ZNF862: variants seen among roughly 807,000 people sequenced by gnomAD.
ZNF862 encodes the protein zinc finger protein 862.
ZNF862 carries 64 observed loss-of-function variants against 91.1 expected under a neutral mutation model. The ratio of observed to expected loss-of-function variants is 0.70; its 90% CI spans 0.57 to 0.87. ZNF862 has a LOEUF of 0.87. Ranked by LOEUF, ZNF862 falls within the 40% of genes least tolerant of loss-of-function variation. The probability of loss-of-function intolerance (pLI) is 0.00; values close to 1 mark genes in which losing one functional copy is unlikely to be tolerated. For missense variants in ZNF862, 1,459 were observed against 1,528.0 expected, an observed-to-expected ratio of 0.95 and a Z score of 0.75; for synonymous variants, 631 against 618.1, an observed-to-expected ratio of 1.02 and a Z score of -0.31.
rs1231147227 is a variant in ZNF862, at chr7:149,847,817, G to A, written c.324G>A (p.Lys108=). 1.2e-6 allele frequency: 2 copies of A among 1,613,874 alleles called. No homozygotes were observed. The highest frequency in any genetic ancestry group is 1.7e-6 in the Non-Finnish European group (2 of 1,179,842). Residue 108 remains lysine (K), a synonymous_variant, in exon 4 of 8, where the codon AAG becomes AAA. Transcript: ENST00000223210. ...GTGGACAGTCCCTCCCGCCTCAGAA[G>A]AAAGCCTACCTTTCCCACCTCAGTA... ...RESGQSLPPQ[K]KAYLSHLSTG...
intron 1 of ZNF862, among the ~76,000 whole-genome samples, chr7:149,843,665 C>T (rs1039326202): frequency 1.6e-4 from 25 of 152,202 alleles, no homozygotes; most frequent in African/African-American, 5.8e-4. Flanking sequence ...GGTGGAAGAC[C>T]GAAAATGTAA....
Position 149,862,167 on chromosome 7 carries a change from C to G in ZNF862, c.3007C>G (p.Leu1003Val). 1 of 1,613,470 alleles carries G rather than the reference C, an allele frequency of 6.2e-7. No homozygotes were observed. Among genetic ancestry groups the G allele is most frequent in the Non-Finnish European group, 8.5e-7 (1 of 1,179,890 alleles). ...WLGLKTIAQH[L>V]PFSMLCKNAL... ...GGGCCTGAAAACCATTGCCCAGCAC[C>G]TCCCGTTCTCCATGCTCTGCAAAAA... is the stretch of plus-strand genomic sequence containing the variant. Residue 1003 changes from leucine (L) to valine (V), a missense_variant, in exon 7 of 8, where the codon CTC becomes GTC. Coordinates refer to ENST00000223210, the MANE Select transcript of ZNF862 (RefSeq NM_001099220.3).
rs1372655163 is a variant in ZNF862, at chr7:149,848,932, C to T, written c.939+500C>T. Among the ~76,000 whole-genome samples the T allele has an allele frequency of 2.6e-5, 4 of 152,272 alleles. No individual in the cohort carries two copies. In the East Asian group the frequency reaches 7.7e-4, roughly 29 times the overall value. On this transcript the variant is annotated intron_variant, in intron 4 of 7. Transcript: ENST00000223210. Reference sequence around the variant, plus strand: ...CCTTCCCACTCAGCCTCCCAAGTAGCTGGGACCACAGGTGTGTGCCCCCAC... The same window carrying T: ...CCTTCCCACTCAGCCTCCCAAGTAGTTGGGACCACAGGTGTGTGCCCCCAC...
At position 149,848,058 on chromosome 7, in the gene ZNF862, A is replaced by T. The variant is rs777610248; in HGVS notation, c.565A>T (p.Thr189Ser). Residue 189 changes from threonine to serine, a missense_variant, in exon 4 of 8, where the codon ACT becomes TCT. Physicochemically the swap from Thr to Ser is moderately conservative, Grantham distance 58 (BLOSUM62 1). Transcript: ENST00000223210. ...EGYTGPFKVE[T>S]LKYHAKSKAH... Reference sequence around the variant, plus strand: ...TTATACAGGACCATTCAAGGTGGAGACTCTCAAATACCACGCGAAGAGCAA... The same window carrying T: ...TTATACAGGACCATTCAAGGTGGAGTCTCTCAAATACCACGCGAAGAGCAA... 5.0e-6 allele frequency: 8 copies of T among 1,613,902 alleles called. No individual in the cohort carries two copies. The highest frequency in any genetic ancestry group is 1.6e-4 in the Middle Eastern group (1 of 6,062).
rs1802558338 is a variant in ZNF862, at chr7:149,862,579, C to T, written c.3334+85C>T. 12 of 1,406,342 alleles carry T rather than the reference C, an allele frequency of 8.5e-6. No individual in the cohort carries two copies. The South Asian group carries it at 1.7e-4, about 20-fold the overall frequency. The allele number at this position is 1,406,342 out of a possible 1,614,324, so 87.1% of individuals were successfully genotyped here. ...GACAGGACTGCAGGTGCCTGTGGAGCTTCTGTCATGCACCCACCCATTTGC... is the reference window on the plus strand; with the variant it reads ...GACAGGACTGCAGGTGCCTGTGGAGTTTCTGTCATGCACCCACCCATTTGC... On this transcript the variant is annotated intron_variant, in intron 7 of 7. Transcript: ENST00000223210.
rs1483386877 is a variant in ZNF862, at chr7:149,855,617, A to G, written c.1118-3805A>G. 2.0e-5 allele frequency among the ~76,000 whole-genome samples: 3 copies of G among 152,226 alleles called. No individual in the cohort carries two copies. The highest frequency in any genetic ancestry group is 6.5e-5 in the Admixed American group (1 of 15,282). On this transcript the variant is annotated intron_variant, in intron 5 of 7. Coordinates refer to ENST00000223210, the MANE Select transcript of ZNF862 (RefSeq NM_001099220.3). The surrounding 1 kb of genome is among the most constrained non-coding windows in gnomAD (Gnocchi z 4.1). The stretch of plus-strand genomic sequence containing the variant: ...GTTTGTGGGTTCTGCAGTACCCCCA[A>G]CAGGCACTGAGACCCTCTCGCTTGC...
At chr7:149,841,002 C>T (rs542789249) in intron 1 of ZNF862, 2 of 985,416 alleles carry the variant, frequency 2.0e-6, no homozygotes, top group African/African-American at 3.5e-5. Context: ...CTGGAAATTT[C>T]ACCCTTGATT....
chr7:149,838,660 G>A, intron 1 of ZNF862, 25 bp downstream of exon 1: 1 of 1,216,368 alleles, frequency 8.2e-7, no homozygotes. Flanking sequence ...CCCGGGGGCC[G>A]CCCGCTCCCT....
rs1802776861 is a variant in ZNF862, at chr7:149,867,456, T to A, written c.*3172T>A. On this transcript the variant is annotated 3_prime_UTR_variant, in exon 8 of 8. Coordinates refer to ENST00000223210, the MANE Select transcript of ZNF862 (RefSeq NM_001099220.3). Reference sequence around the variant, plus strand: ...GATTCCTAACCTTTTGCTACCTGAATAAAGCAGAGTCTATTTCAACACATC... The same window carrying A: ...GATTCCTAACCTTTTGCTACCTGAAAAAAGCAGAGTCTATTTCAACACATC... The A allele has an allele frequency of 6.6e-6, 1 of 152,212 alleles. No individual in the cohort carries two copies. The highest frequency in any genetic ancestry group is 2.4e-5 in the African/African-American group (1 of 41,444). 9.4% of individuals were successfully genotyped at this position (152,212 alleles called of 1,614,324 possible).
Position 149,850,092 on chromosome 7 carries a change from G to T in ZNF862, c.940-69G>T. On this transcript the variant is annotated intron_variant, in intron 4 of 7. Coordinates refer to ENST00000223210, the MANE Select transcript of ZNF862 (RefSeq NM_001099220.3). The surrounding 1 kb of genome is among the most constrained non-coding windows in gnomAD (Gnocchi z 4.2). ...CCCAGGAGAAATAGGGCTTCCAAAG[G>T]CCCCAGAAGTGTCACGTGGGAGTCT... 1 of 1,516,574 alleles carries T rather than the reference G, an allele frequency of 6.6e-7. No individual in the cohort carries two copies. The highest frequency in any genetic ancestry group is 8.9e-7 in the Non-Finnish European group (1 of 1,117,710). 93.9% of individuals were successfully genotyped at this position (1,516,574 alleles called of 1,614,324 possible).
chr7:149,843,495 TTGA>T (rs1393712553), intron 1 of ZNF862, among the ~76,000 whole-genome samples: 7 of 152,204 alleles, frequency 4.6e-5, no homozygotes, highest in Non-Finnish European at 7.3e-5. Flanking sequence ...ATGGTGTAGC[TTGA>T]TGATAGTTTT....
chr7:149,854,189 A>G (rs2128939150), intron 5 of ZNF862, among the ~76,000 whole-genome samples: 1 of 152,302 alleles, frequency 6.6e-6, no homozygotes, highest in African/African-American at 2.4e-5. Flanking sequence ...GGTTAAATCT[A>G]GGCAGGGCCT....
chr7:149,853,395 T>C (rs995678684), intron 5 of ZNF862, among the ~76,000 whole-genome samples: 5 of 152,212 alleles, frequency 3.3e-5, no homozygotes, highest in African/African-American at 1.2e-4. Flanking sequence ...CCTCCTTCTT[T>C]TTCCATTACT....
At position 149,860,990 on chromosome 7, in the gene ZNF862, G is replaced by A; in HGVS notation, c.1830G>A (p.Leu610=). 1.2e-6 allele frequency: 2 copies of A among 1,613,434 alleles called. No homozygotes were observed. The highest frequency in any genetic ancestry group is 1.7e-6 in the Non-Finnish European group (2 of 1,179,780). The change falls in exon 7 of 8, where the codon CTG becomes CTA. Residue 610 remains leucine, a synonymous_variant. Transcript: ENST00000223210. ...TQFIKYISET[L]KREILEDVRN... ...TCATCAAGTACATCTCAGAGACCCT[G>A]AAGAGGGAGATCCTGGAGGACGTGC...
At chr7:149,849,504 A>G (rs1429686178) in intron 4 of ZNF862, among the ~76,000 whole-genome samples, 1 of 152,246 alleles carries the variant, frequency 6.6e-6, no homozygotes, top group Non-Finnish European at 1.5e-5. Context: ...ATTTTACAAC[A>G]AATCATTTTT....
rs769076442 is a variant in ZNF862, at chr7:149,850,155, T to G, written c.940-6T>G. 6.4e-7 allele frequency: 1 copy of G among 1,558,310 alleles called. No homozygotes were observed. The highest frequency in any genetic ancestry group is 8.7e-7 in the Non-Finnish European group (1 of 1,151,712). ...GGTGCTGAGTGGCCGCTGCTCTTTGTTCCAGGACCCTTCTGCAGAGGGGCT... is the reference window on the plus strand; with the variant it reads ...GGTGCTGAGTGGCCGCTGCTCTTTGGTCCAGGACCCTTCTGCAGAGGGGCT... On this transcript the variant is annotated splice_region_variant and splice_polypyrimidine_tract_variant and intron_variant, in intron 4 of 7. Transcript: ENST00000223210. This position sits in a 1 kb window ranked among gnomAD's most constrained non-coding sequence, Gnocchi z 4.2.
chr7:149,848,470 A>G, intron 4 of ZNF862, 38 bp downstream of exon 4: 1 of 1,426,200 alleles, frequency 7.0e-7, no homozygotes, highest in Non-Finnish European at 9.3e-7. Context: ...CTTACAGAGA[A>G]GGATTCTATA....
In ZNF862 at chr7:149,865,187, G is replaced by T. The variant is rs1032210114; in HGVS notation, c.*903G>T. 4 of 152,180 alleles carry T rather than the reference G, an allele frequency of 2.6e-5. No individual in the cohort carries two copies. The East Asian group carries it at 5.8e-4, about 22-fold the overall frequency. 9.4% of individuals were successfully genotyped at this position (152,180 alleles called of 1,614,324 possible). On this transcript the variant is annotated 3_prime_UTR_variant, in exon 8 of 8. Transcript: ENST00000223210. ...CCTAGGATTAGTGAATGAGAGCCTC[G>T]AGCTCCCTCAAAGACCTCTGGCTGC...
intron 2 of ZNF862, among the ~76,000 whole-genome samples, chr7:149,845,897 T>C (rs371604432): frequency 4.6e-5 from 7 of 152,284 alleles, no homozygotes; most frequent in African/African-American, 1.7e-4. Flanking sequence ...ATAGTTTGTA[T>C]ACCTGTTTAG....
Sources: allele counts gnomAD v4.1 joint callset (sites outside exome capture counted in the v4.1 genomes callset), GRCh38; gene constraint gnomAD v4.1.1; non-coding constraint Gnocchi (gnomAD v3.1); transcripts MANE v1.5; gene names NCBI Gene and HGNC (gene_info 2026-07-23, HGNC 2026-07-21).